The following STON2 variants were observed in gnomAD, a reference collection of about 807,000 sequenced individuals.
STON2 encodes the protein stonin-2.
In STON2, 29 loss-of-function variants were observed where a neutral mutation model predicts 65.7. The observed-to-expected ratio is 0.44, with a 90% CI of 0.33 to 0.60. The LOEUF (loss-of-function observed/expected upper bound fraction) is 0.60. STON2 is among the 20% of genes least tolerant of loss of function. The pLI, the probability that STON2 is intolerant of heterozygous loss-of-function variation, is 0.03. For synonymous variants in STON2, 404 were observed against 414.2 expected (o/e 0.98, Z 0.30); for missense variants, 1,054 against 1,118.1 (o/e 0.94, Z 0.82).
intron 3 of STON2, among the ~76,000 whole-genome samples, chr14:81,379,862 T>C (rs941097887): frequency 6.6e-6 from 1 of 152,204 alleles, no homozygotes; most frequent in Non-Finnish European, 1.5e-5. Flanking sequence ...GATTAAAGGC[T>C]TAAATGTAAA....
In STON2 at chr14:81,266,925, T is replaced by A; in HGVS notation, c.*1489A>T. On this transcript the variant is annotated 3_prime_UTR_variant, in exon 8 of 8. Transcript: ENST00000614646. ...TTTCTCATTAATGCCTATTCAATCA[T>A]CATTTTACTTTCAGTCTTAGTTCAG... The A allele has an allele frequency of 1.0e-6, 1 of 984,338 alleles. No homozygotes were observed. Among genetic ancestry groups the A allele is most frequent in the Non-Finnish European group, 1.2e-6 (1 of 828,958 alleles). The allele number at this position is 984,338 out of a possible 1,614,324, so 61.0% of individuals were successfully genotyped here.
chr14:81,355,604 T>C (rs1374052655), intron 4 of STON2, among the ~76,000 whole-genome samples: 1 of 151,980 alleles, frequency 6.6e-6, no homozygotes, highest in Non-Finnish European at 1.5e-5. Context: ...GCTAAGGGAG[T>C]TCATTGCCAG....
chr14:81,428,010 C>T (rs1299630521), intron 1 of STON2, among the ~76,000 whole-genome samples: 1 of 152,200 alleles, frequency 6.6e-6, no homozygotes, highest in Non-Finnish European at 1.5e-5. Context: ...TCATGAAATG[C>T]TACTCCTCAT....
chr14:81,398,167 G>A (rs1900417690), intron 2 of STON2, 128 bp downstream of exon 2: 2 of 627,162 alleles, frequency 3.2e-6, no homozygotes, highest in Admixed American at 6.7e-5. Flanking sequence ...TCTCAAGAAA[G>A]AAAGTGAGAA....
chr14:81,374,092 T>G (rs1247719277), intron 3 of STON2, among the ~76,000 whole-genome samples: 1 of 126,612 alleles, frequency 7.9e-6, no homozygotes, highest in African/African-American at 3.0e-5. Context: ...CTCACTGCAA[T>G]CTCCACCTCC....
chr14:81,416,710 T>A (rs946856776), intron 2 of STON2, among the ~76,000 whole-genome samples: 4 of 152,236 alleles, frequency 2.6e-5, no homozygotes, highest in Non-Finnish European at 4.4e-5. Context: ...CTGGGCCATT[T>A]CAGTCAACAG....
intron 6 of STON2, among the ~76,000 whole-genome samples, chr14:81,273,633 T>TGGGCTGGGCCCCGCC (rs1894687739): frequency 1.3e-5 from 2 of 151,868 alleles, no homozygotes; most frequent in African/African-American, 4.8e-5. Flanking sequence ...TGGGCCAGGC[T>TGGGCTGGGCCCCGCC]GGGCTGGGCC....
At chr14:81,414,804 A>T (rs1901345393) in intron 2 of STON2, among the ~76,000 whole-genome samples, 1 of 152,210 alleles carries the variant, frequency 6.6e-6, no homozygotes, top group Non-Finnish European at 1.5e-5. Context: ...TAAATGAAAT[A>T]ATAATTATAA....
intron 4 of STON2, among the ~76,000 whole-genome samples, chr14:81,358,858 A>T (rs10450939): frequency 0.3 from 46,338 of 152,108 alleles, 7,316 homozygotes; most frequent in East Asian, 0.4. Flanking sequence ...TAAATACATA[A>T]GCCCCCAATA....
intron 5 of STON2, among the ~76,000 whole-genome samples, chr14:81,319,552 A>C (rs1002355205): frequency 1.3e-5 from 2 of 152,240 alleles, no homozygotes; most frequent in African/African-American, 4.8e-5. Context: ...AAGTCTATCA[A>C]GTCAGTAATG....
At chr14:81,396,840 C>T (rs534838127) in intron 2 of STON2, among the ~76,000 whole-genome samples, 1 of 152,294 alleles carries the variant, frequency 6.6e-6, no homozygotes, top group East Asian at 1.9e-4. Flanking sequence ...GAGTGGATCA[C>T]CTGAGGTCAG....
At chr14:81,420,895 C>A (rs1240980112) in intron 2 of STON2, among the ~76,000 whole-genome samples, 1 of 152,172 alleles carries the variant, frequency 6.6e-6, no homozygotes, top group Non-Finnish European at 1.5e-5. Flanking sequence ...CGTCCACCCC[C>A]AAACCTGCCC....
In STON2 at chr14:81,267,706, T is replaced by C; in HGVS notation, c.*708A>G. The C allele has an allele frequency of 3.0e-6, 3 of 985,402 alleles. No individual in the cohort carries two copies. The highest frequency in any genetic ancestry group is 3.6e-6 in the Non-Finnish European group (3 of 829,910). The allele number at this position is 985,402 out of a possible 1,614,324, so 61.0% of individuals were successfully genotyped here. ...TCCCCTCAACACCCATTTTGCAGAA[T>C]GTGGGTCCATTCACAAAATTAAAAA... On this transcript the variant is annotated 3_prime_UTR_variant, in exon 8 of 8. Transcript: ENST00000614646.
chr14:81,311,507 AAAG>A (rs1035545374), intron 5 of STON2, among the ~76,000 whole-genome samples: 9 of 152,356 alleles, frequency 5.9e-5, no homozygotes, highest in Admixed American at 1.3e-4. Context: ...GTACTGTACA[AAAG>A]AAGATTTCTT....
At position 81,277,619 on chromosome 14, in the gene STON2, G is replaced by A. The variant is rs779836554; in HGVS notation, c.1863C>T (p.Leu621=). ...VLSMDLSTVG[L]NYLEEEITVD... is the part of the protein sequence containing the mutation. Reference sequence around the variant, plus strand: ...CTGTAATCTCCTCTTCAAGGTAGTTGAGGCCAACTGTGCTCAAGTCCATTG... The same window carrying A: ...CTGTAATCTCCTCTTCAAGGTAGTTAAGGCCAACTGTGCTCAAGTCCATTG... Residue 621 remains leucine, a synonymous_variant, in exon 6 of 8, where the codon CTC becomes CTT. Transcript: ENST00000614646. The A allele has an allele frequency of 6.2e-7, 1 of 1,614,116 alleles. No homozygotes were observed. The highest frequency in any genetic ancestry group is 1.7e-5 in the Admixed American group (1 of 60,016).
intron 5 of STON2, among the ~76,000 whole-genome samples, chr14:81,286,470 T>A (rs1895337969): frequency 6.6e-6 from 1 of 152,234 alleles, no homozygotes; most frequent in Non-Finnish European, 1.5e-5. Flanking sequence ...GCTCAGGTGA[T>A]CATTAGCACT....
At chr14:81,400,088 T>C (rs1900529742) in intron 1 of STON2, among the ~76,000 whole-genome samples, 191 bp downstream of exon 1, 1 of 152,140 alleles carries the variant, frequency 6.6e-6, no homozygotes, top group Non-Finnish European at 1.5e-5. Flanking sequence ...AAATATCAAT[T>C]ACAATGGAAC....
At chr14:81,295,463 CAG>C (rs1161386341) in intron 5 of STON2, among the ~76,000 whole-genome samples, 6 of 152,212 alleles carry the variant, frequency 3.9e-5, no homozygotes, top group Admixed American at 6.5e-5. Context: ...GGTTATGTAT[CAG>C]ATGAAAGAGG....
chr14:81,270,807 T>G lies in STON2; in HGVS notation c.2647A>C (p.Arg883=). 2 of 1,614,002 alleles carry G rather than the reference T, an allele frequency of 1.2e-6. No individual in the cohort carries two copies. The highest frequency in any genetic ancestry group is 1.1e-5 in the South Asian group (1 of 91,080). The part of the protein sequence containing the change: ...ELGSDREVPS[R]FANHVNVEFS... ...TCGACATTCACGTGATTGGCAAATCTGGAAGGCACTTCCCGGTCAGAGCCG... is the reference window on the plus strand; with the variant it reads ...TCGACATTCACGTGATTGGCAAATCGGGAAGGCACTTCCCGGTCAGAGCCG... Residue 883 remains arginine (R), a synonymous_variant, in exon 7 of 8, where the codon AGA becomes CGA. Coordinates refer to ENST00000614646, the MANE Select transcript of STON2 (RefSeq NM_001394390.1).
Sources: allele counts gnomAD v4.1 joint callset (sites outside exome capture counted in the v4.1 genomes callset), GRCh38; gene constraint gnomAD v4.1.1; transcripts MANE v1.5; gene names NCBI Gene and HGNC (gene_info 2026-07-23, HGNC 2026-07-21).